The following CALN1 variants were observed in gnomAD, a reference collection of about 807,000 sequenced individuals.
CALN1 encodes the protein calcium-binding protein 8.
In CALN1, 17 loss-of-function variants were observed where a neutral mutation model predicts 30.6. The observed-to-expected ratio is 0.56, with a 90% confidence interval of 0.38 to 0.83. The LOEUF (loss-of-function observed/expected upper bound fraction) is 0.83. CALN1 is among the 40% of genes least tolerant of loss of function. The pLI is 0.00. For synonymous variants in CALN1, 156 were observed against 131.4 expected (o/e 1.19, Z -1.28); for missense variants, 291 against 354.9 (o/e 0.82, Z 1.45).
intron 3 of CALN1, among the ~76,000 whole-genome samples, chr7:72,126,368 A>C (rs1808765711): frequency 2.0e-5 from 3 of 152,142 alleles, no homozygotes; most frequent in African/African-American, 7.2e-5. Context: ...CTGCTGCTAA[A>C]ATTTCTTCCA....
chr7:71,982,738 A>G (rs572801703), intron 5 of CALN1, among the ~76,000 whole-genome samples: 18 of 152,326 alleles, frequency 1.2e-4, no homozygotes, highest in Non-Finnish European at 2.4e-4. Context: ...AGTCCTCAGT[A>G]AAGTCTTCCT....
intron 3 of CALN1, among the ~76,000 whole-genome samples, chr7:72,278,007 C>CG (rs1562829603): frequency 2.3e-4 from 7 of 29,874 alleles, no homozygotes; most frequent in East Asian, 6.3e-3. Flanking sequence ...ATCCTCTATT[C>CG]CGGGGGGGGG....
chr7:71,914,656 C>T (rs146856359), intron 5 of CALN1, among the ~76,000 whole-genome samples: 1 of 152,194 alleles, frequency 6.6e-6, no homozygotes, highest in East Asian at 1.9e-4. Flanking sequence ...CTAATTTATA[C>T]TCCCACCAAG....
chr7:72,008,021 A>AT (rs1347989067), intron 5 of CALN1, among the ~76,000 whole-genome samples: 2 of 152,240 alleles, frequency 1.3e-5, no homozygotes, highest in East Asian at 3.8e-4. Flanking sequence ...CAGTGAGTAG[A>AT]TAAAAAATAA....
chr7:71,817,198 T>C (rs926855452), intron 5 of CALN1, among the ~76,000 whole-genome samples: 1 of 152,248 alleles, frequency 6.6e-6, no homozygotes, highest in African/African-American at 2.4e-5. Flanking sequence ...TTTCAGTTTT[T>C]CTTCAGTCAA....
chr7:71,902,156 G>A (rs192842269), intron 5 of CALN1, among the ~76,000 whole-genome samples: 85 of 152,054 alleles, frequency 5.6e-4, no homozygotes, highest in South Asian at 4.2e-4. Flanking sequence ...CCTGGGAGGC[G>A]GAGCTTGCAG....
chr7:71,955,831 A>C (rs537662275), intron 5 of CALN1, among the ~76,000 whole-genome samples: 210 of 152,078 alleles, frequency 1.4e-3, no homozygotes, highest in Non-Finnish European at 2.4e-3. Flanking sequence ...TCTGGGAGGA[A>C]AGTCAGAAGT....
chr7:72,391,358 G>A (rs937542134), intron 2 of CALN1, among the ~76,000 whole-genome samples: 6 of 152,150 alleles, frequency 3.9e-5, no homozygotes, highest in African/African-American at 1.4e-4. Flanking sequence ...TCAGATTGCT[G>A]GAAGGCATCT....
chr7:71,900,345 A>G (rs563048373), intron 5 of CALN1, among the ~76,000 whole-genome samples: 18 of 152,224 alleles, frequency 1.2e-4, no homozygotes, highest in Non-Finnish European at 2.2e-4. Context: ...AAGACACTCA[A>G]ATTGGAAAAG....
intron 3 of CALN1, among the ~76,000 whole-genome samples, chr7:72,199,969 C>T (rs147354163): frequency 3.1e-3 from 474 of 152,296 alleles, no homozygotes; most frequent in Middle Eastern, 6.8e-3. Flanking sequence ...GACGGGCAGC[C>T]TGCAAGGTTA....
intron 1 of CALN1, among the ~76,000 whole-genome samples, chr7:72,430,283 A>T (rs1188442922): frequency 6.8e-6 from 1 of 148,124 alleles, no homozygotes; most frequent in East Asian, 1.9e-4. Flanking sequence ...TATCTATAAT[A>T]ATTATATATT....
At chr7:71,979,866 ATTCTTTTTTT>A (rs1798299496) in intron 5 of CALN1, among the ~76,000 whole-genome samples, 1 of 118,790 alleles carries the variant, frequency 8.4e-6, no homozygotes, top group East Asian at 2.9e-4. Flanking sequence ...ACACATCAGG[ATTCTTTTTTT>A]TTTTTTTTTT....
At chr7:72,220,393 T>C (rs1793195203) in intron 3 of CALN1, among the ~76,000 whole-genome samples, 1 of 151,940 alleles carries the variant, frequency 6.6e-6, no homozygotes, top group South Asian at 2.1e-4. Flanking sequence ...TATGGCTGCA[T>C]AGTATTCCAT....
chr7:72,252,065 C>G (rs985107684), intron 3 of CALN1, among the ~76,000 whole-genome samples: 2 of 152,166 alleles, frequency 1.3e-5, no homozygotes, highest in African/African-American at 4.8e-5. Context: ...AAAGTCCAGA[C>G]TCAGTTTTGT....
In CALN1 at chr7:72,359,975, T is replaced by TAAAAAAAAAAAAAAAA. The variant is rs1562920650; in HGVS notation, c.119+43275_119+43276insTTTTTTTTTTTTTTTT. Among the ~76,000 whole-genome samples, 4 of 21,248 alleles carry TAAAAAAAAAAAAAAAA rather than the reference T, an allele frequency of 1.9e-4. 1 individual carries two copies. The highest frequency in any genetic ancestry group is 1.3e-3 in the African/African-American group (4 of 2,986). The allele number at this position is 21,248 out of a possible 152,430, so 13.9% of individuals were successfully genotyped here. ...TTGGGTGACAGAGTGAGACTCCATC[T>TAAAAAAAAAAAAAAAA]CAAAAAAAAAAAAAAACCAAAGTTG... On this transcript the variant is annotated intron_variant, in intron 2 of 6. Transcript: ENST00000395275.
intron 5 of CALN1, among the ~76,000 whole-genome samples, chr7:71,845,914 C>T (rs1790204873): frequency 6.6e-6 from 1 of 152,016 alleles, no homozygotes; most frequent in Admixed American, 6.6e-5. Flanking sequence ...ATTAGCTGGG[C>T]ATGGGGTGCA....
chr7:72,088,779 A>AGGAGG, intron 4 of CALN1, among the ~76,000 whole-genome samples: 1 of 74,520 alleles, frequency 1.3e-5, no homozygotes, highest in African/African-American at 4.8e-5. Flanking sequence ...AAGTAAGAGA[A>AGGAGG]GGAAGGGAAG....
At chr7:72,213,455 G>A (rs1792554203) in intron 3 of CALN1, among the ~76,000 whole-genome samples, 1 of 152,184 alleles carries the variant, frequency 6.6e-6, no homozygotes, top group African/African-American at 2.4e-5. Context: ...AACGGGAAAT[G>A]ACTGCAAATG....
chr7:72,414,367 C>T (rs1034433196), upstream of CALN1, among the ~76,000 whole-genome samples: 3 of 152,152 alleles, frequency 2.0e-5, no homozygotes, highest in African/African-American at 4.8e-5. Context: ...TTGGGTAGAG[C>T]GAGACAGAGA....
Sources: allele counts gnomAD v4.1 joint callset (sites outside exome capture counted in the v4.1 genomes callset), GRCh38; gene constraint gnomAD v4.1.1; transcripts MANE v1.5; gene names NCBI Gene and HGNC (gene_info 2026-07-23, HGNC 2026-07-21).